GRB10: variants seen among roughly 807,000 people sequenced by gnomAD.
GRB10 encodes the protein growth factor receptor-bound protein 10.
Under a neutral mutation model 80.9 loss-of-function variants are expected in GRB10, and 20 were observed. The observed-to-expected ratio is 0.25, with a 90% CI of 0.17 to 0.36. GRB10 has a LOEUF of 0.36. GRB10 is among the 10% of genes least tolerant of loss of function. GRB10 has a pLI of 1.00. For synonymous variants in GRB10, 291 were observed against 291.5 expected (o/e 1.00, Z 0.02); for missense variants, 548 against 747.7 (o/e 0.73, Z 3.12).
At chr7:50,603,709 C>G (rs1196988505) in intron 17 of GRB10, among the ~76,000 whole-genome samples, 1 of 152,180 alleles carries the variant, frequency 6.6e-6, no homozygotes, top group Non-Finnish European at 1.5e-5. Context: ...TGCCCACTAC[C>G]TTATGAAGAT....
intron 7 of GRB10, among the ~76,000 whole-genome samples, chr7:50,635,046 C>T (rs541465602): frequency 1.3e-5 from 2 of 151,920 alleles, no homozygotes; most frequent in African/African-American, 4.8e-5. Context: ...AAATAATAAA[C>T]ATTTATAGAA....
intron 3 of GRB10, among the ~76,000 whole-genome samples, chr7:50,749,812 T>G (rs2073798031): frequency 6.6e-6 from 1 of 152,188 alleles, no homozygotes; most frequent in Non-Finnish European, 1.5e-5. Flanking sequence ...CTCTCCTCCA[T>G]CCCGTCTTTG....
In GRB10 at chr7:50,626,877, G is replaced by A; in HGVS notation, c.606C>T (p.His202=). The change falls in exon 8 of 19, where the codon CAC becomes CAT. Residue 202 remains histidine, a synonymous_variant. Transcript: ENST00000401949. ...DLCQLLVYKS[H]CVDDNSWTLV... ...GTGTCCAGCTGTTGTCATCCACACA[G>A]TGACTTTTGTAAACCAGCAATTGGC... The A allele has an allele frequency of 1.2e-6, 2 of 1,614,140 alleles. No individual in the cohort carries two copies. The highest frequency in any genetic ancestry group is 8.5e-7 in the Non-Finnish European group (1 of 1,180,026).
chr7:50,594,828 A>T (rs2046361587), intron 18 of GRB10, among the ~76,000 whole-genome samples: 1 of 152,214 alleles, frequency 6.6e-6, no homozygotes, highest in South Asian at 2.1e-4. Context: ...GTATTCTGTA[A>T]TGAAGTTTTT....
At chr7:50,764,337 T>A (rs2076103719) in intron 2 of GRB10, among the ~76,000 whole-genome samples, 1 of 152,212 alleles carries the variant, frequency 6.6e-6, no homozygotes, top group Non-Finnish European at 1.5e-5. Flanking sequence ...TCCTGCCAAC[T>A]TTTTTTGTGT....
intron 12 of GRB10, among the ~76,000 whole-genome samples, chr7:50,613,060 T>C (rs1431139985): frequency 2.0e-5 from 3 of 152,208 alleles, no homozygotes; most frequent in African/African-American, 7.2e-5. Context: ...CCCCAGGTTG[T>C]GTACCACTTA....
intron 2 of GRB10, among the ~76,000 whole-genome samples, chr7:50,771,454 G>A (rs988438575): frequency 2.6e-5 from 4 of 152,136 alleles, no homozygotes; most frequent in Non-Finnish European, 5.9e-5. Flanking sequence ...TAAGCCACAC[G>A]AACAGCGAGA....
At chr7:50,735,967 C>T (rs2070726619) in intron 3 of GRB10, among the ~76,000 whole-genome samples, 1 of 152,156 alleles carries the variant, frequency 6.6e-6, no homozygotes, top group Admixed American at 6.5e-5. Context: ...AAGAACAACA[C>T]GGAGAACTCA....
intron 1 of GRB10, among the ~76,000 whole-genome samples, chr7:50,790,144 C>G (rs2078851265): frequency 6.6e-6 from 1 of 152,060 alleles, no homozygotes; most frequent in Admixed American, 6.5e-5. Flanking sequence ...GGAGTGAAAA[C>G]AGATACAGCT....
At position 50,737,322 on chromosome 7, in the gene GRB10, A is replaced by G. The variant is rs569261773; in HGVS notation, c.-46-4954T>C. Among the ~76,000 whole-genome samples the G allele has an allele frequency of 2.0e-5, 3 of 152,268 alleles. No individual in the cohort carries two copies. In the East Asian group the frequency reaches 5.8e-4, roughly 29 times the overall value. ...AGTGCTATCTCATGATAAAGGTCTC[A>G]TAGCATCTGGCTGTTTAAAAGTGTG... On this transcript the variant is annotated intron_variant, in intron 3 of 18. Transcript: ENST00000401949.
intron 5 of GRB10, among the ~76,000 whole-genome samples, chr7:50,688,891 G>C (rs760810463): frequency 7.2e-5 from 11 of 152,128 alleles, no homozygotes; most frequent in Non-Finnish European, 1.0e-4. Flanking sequence ...TCACTGCAGA[G>C]TGCACCAGAA....
chr7:50,669,053 C>A (rs1013931723), intron 7 of GRB10, among the ~76,000 whole-genome samples: 18 of 152,364 alleles, frequency 1.2e-4, no homozygotes, highest in African/African-American at 3.8e-4. Flanking sequence ...TGTGTACTGA[C>A]ATCCAGGTGC....
intron 7 of GRB10, among the ~76,000 whole-genome samples, chr7:50,667,044 A>AG (rs2059892445): frequency 6.7e-6 from 1 of 148,266 alleles, no homozygotes; most frequent in Non-Finnish European, 1.5e-5. Flanking sequence ...CTCTGTCTCA[A>AG]AAAAAAAAAA....
At chr7:50,696,624 T>C (rs77243254) in intron 5 of GRB10, among the ~76,000 whole-genome samples, 2,267 of 152,270 alleles carry the variant, frequency 0.015, 60 homozygotes, top group African/African-American at 0.051. Flanking sequence ...CTTTACTCAA[T>C]TGGGTTCCTG....
chr7:50,719,863 T>G (rs1044554234), intron 4 of GRB10, among the ~76,000 whole-genome samples: 12 of 152,020 alleles, frequency 7.9e-5, no homozygotes, highest in African/African-American at 2.9e-4. Context: ...TAGGTTTTTT[T>G]TTTTCTTAAG....
At chr7:50,753,303 A>G (rs879626152) in intron 3 of GRB10, among the ~76,000 whole-genome samples, 15 of 152,260 alleles carry the variant, frequency 9.9e-5, no homozygotes, top group Non-Finnish European at 1.8e-4. Flanking sequence ...TAGGTCAAGC[A>G]AAACGTGAGT....
At chr7:50,774,993 A>AG (rs1435162109) in intron 2 of GRB10, among the ~76,000 whole-genome samples, 1 of 149,838 alleles carries the variant, frequency 6.7e-6, no homozygotes, top group Non-Finnish European at 1.5e-5. Context: ...CCAAAAACAA[A>AG]ACAAAACAAA....
intron 4 of GRB10, among the ~76,000 whole-genome samples, chr7:50,709,817 T>C (rs987135013): frequency 6.6e-6 from 1 of 151,956 alleles, no homozygotes; most frequent in African/African-American, 2.4e-5. Context: ...ATGGTAGAAA[T>C]GCAGGCTCCC....
chr7:50,633,988 T>C lies in GRB10; in HGVS notation c.505-7010A>G, dbSNP rs117103836. 4.5e-4 allele frequency among the ~76,000 whole-genome samples: 68 copies of C among 152,274 alleles called. No homozygotes were observed. The East Asian group carries it at 0.012, about 26-fold the overall frequency. On this transcript the variant is annotated intron_variant, in intron 7 of 18. Transcript: ENST00000401949. ...TTTAAGGGAAATAATTCAGGAAAAT[T>C]TCCCCAAACTTGCTAGAGATGTAGA...
Sources: gnomAD v4.1 joint callset for allele counts (sites outside exome capture counted in the v4.1 genomes callset) on GRCh38, gnomAD v4.1.1 for gene constraint, MANE v1.5 for transcripts, NCBI Gene and HGNC (gene_info 2026-07-23, HGNC 2026-07-21) for gene names.